The following MORC1 variants were observed in gnomAD, a reference collection of about 807,000 sequenced individuals.
MORC1 encodes the protein MORC family CW-type zinc finger protein 1.
MORC1 carries 59 observed loss-of-function variants against 134.9 expected under a neutral mutation model. The observed-to-expected ratio is 0.44, with a 90% CI of 0.35 to 0.54. MORC1 has a LOEUF of 0.54. Among genes scored for constraint, MORC1 ranks in the 20% least tolerant of loss-of-function variants. The pLI is 0.00. For missense variants in MORC1, 947 were observed against 1,134.5 expected (o/e 0.83, Z 2.37); for synonymous variants, 395 against 391.7 (o/e 1.01, Z -0.10).
At chr3:109,015,934 AC>A (rs1948807549) in intron 17 of MORC1, among the ~76,000 whole-genome samples, 1 of 152,124 alleles carries the variant, frequency 6.6e-6, no homozygotes, top group African/African-American at 2.4e-5. Flanking sequence ...CAGATTTGGG[AC>A]TTTTTGAATT....
intron 11 of MORC1, among the ~76,000 whole-genome samples, chr3:109,060,408 G>A (rs1056935215): frequency 2.6e-5 from 4 of 151,066 alleles, no homozygotes; most frequent in Admixed American, 2.6e-4. Flanking sequence ...TTAAACTTTT[G>A]ATTTGATATA....
intron 17 of MORC1, among the ~76,000 whole-genome samples, chr3:109,026,892 G>C (rs923159160): frequency 3.3e-5 from 5 of 152,124 alleles, no homozygotes; most frequent in Non-Finnish European, 7.3e-5. Flanking sequence ...GGTTTCTTTG[G>C]TTGTAATCTC....
At chr3:108,982,453 G>A (rs1387555001) in intron 23 of MORC1, among the ~76,000 whole-genome samples, 2 of 151,924 alleles carry the variant, frequency 1.3e-5, no homozygotes, top group African/African-American at 4.8e-5. Context: ...CAATGCACAC[G>A]TATGTTTATT....
rs1001655291 is a variant in MORC1 at position 108,993,993 on chromosome 3, C to G, written c.2187+6564G>C. On this transcript the variant is annotated intron_variant, in intron 21 of 27. Transcript: ENST00000232603. ...AGTTTTTATAACATACCATGAAGGC[C>G]CTGGTAATGATCTTAGGGATTCAGA... 3.3e-5 allele frequency among the ~76,000 whole-genome samples: 5 copies of G among 152,066 alleles called. 1 individual carries two copies. In the South Asian group the frequency reaches 8.3e-4, roughly 25 times the overall value.
At chr3:108,997,906 T>C (rs1218118699) in intron 21 of MORC1, among the ~76,000 whole-genome samples, 1 of 152,206 alleles carries the variant, frequency 6.6e-6, no homozygotes, top group Non-Finnish European at 1.5e-5. Context: ...CATTTATTGA[T>C]TTTATTAACA....
intron 24 of MORC1, among the ~76,000 whole-genome samples, chr3:108,974,973 C>T (rs889122889): frequency 6.6e-6 from 1 of 152,164 alleles, no homozygotes; most frequent in African/African-American, 2.4e-5. Flanking sequence ...CAAATTATGG[C>T]CAAGCTTTGA....
chr3:108,999,142 C>T (rs778637624), intron 21 of MORC1, among the ~76,000 whole-genome samples: 11 of 152,140 alleles, frequency 7.2e-5, no homozygotes, highest in African/African-American at 1.9e-4. Context: ...TTCTAGCCTC[C>T]GATTAAATTT....
At chr3:109,017,982 A>T (rs1948855850) in intron 17 of MORC1, among the ~76,000 whole-genome samples, 1 of 152,230 alleles carries the variant, frequency 6.6e-6, no homozygotes. Context: ...TTAAACCAGG[A>T]ATAAAGAAGT....
intron 14 of MORC1, among the ~76,000 whole-genome samples, chr3:109,044,914 C>T (rs1244662158): frequency 2.7e-5 from 4 of 146,026 alleles, no homozygotes; most frequent in Non-Finnish European, 6.0e-5. Context: ...CACTGCACTC[C>T]AGCCTAGGCA....
intron 17 of MORC1, among the ~76,000 whole-genome samples, chr3:109,018,045 C>T (rs981091343): frequency 3.3e-5 from 5 of 152,138 alleles, no homozygotes; most frequent in African/African-American, 1.2e-4. Context: ...GATTCCAAAG[C>T]ACCAGACCAA....
chr3:109,040,935 A>C (rs1423802314), intron 14 of MORC1, among the ~76,000 whole-genome samples: 1 of 152,060 alleles, frequency 6.6e-6, no homozygotes, highest in Non-Finnish European at 1.5e-5. Context: ...TTAAAAAGAA[A>C]ATAGAAATTA....
At chr3:109,093,590 A>G in intron 7 of MORC1, 49 bp from the exon 8 acceptor site, 2 of 1,289,004 alleles carry the variant, frequency 1.6e-6, no homozygotes, top group Non-Finnish European at 2.2e-6. Flanking sequence ...AATACACTAA[A>G]TGCTAGTCAT....
chr3:109,059,921 A>C (rs763620349), intron 11 of MORC1, 51 bp from the exon 12 acceptor site: 5 of 1,494,930 alleles, frequency 3.3e-6, no homozygotes, highest in Non-Finnish European at 4.6e-6. Context: ...GAATTAACAA[A>C]AAGCAAGTTG....
At chr3:109,016,373 C>T (rs1175824217) in intron 17 of MORC1, among the ~76,000 whole-genome samples, 3 of 152,104 alleles carry the variant, frequency 2.0e-5, no homozygotes, top group Non-Finnish European at 4.4e-5. Context: ...ATAAAGCCTG[C>T]CTCTTTCACT....
chr3:108,963,303 C>G, intron 27 of MORC1, 111 bp downstream of exon 27: 2 of 847,224 alleles, frequency 2.4e-6, no homozygotes. Flanking sequence ...TAAGGGCTGA[C>G]TTAAGTGACT....
Position 108,986,908 on chromosome 3 carries a change from T to C in MORC1, c.2229A>G (p.Glu743=), listed in dbSNP as rs778286893. ...KSNTDVSLKQ[E]KKEIPLLNQE... ...GGTTTAAAAGAGGAATTTCCTTTTT[T>C]TCTTGTTTCAATGAAACATCAGTGT... Residue 743 remains glutamate (E), a synonymous_variant, in exon 22 of 28, where the codon GAA becomes GAG. Coordinates refer to ENST00000232603, the MANE Select transcript of MORC1 (RefSeq NM_014429.4). The C allele has an allele frequency of 3.8e-6, 6 of 1,576,906 alleles. No homozygotes were observed. In the African/African-American group the frequency reaches 8.2e-5, roughly 22 times the overall value.
chr3:109,091,454 T>TAAATAAAG, intron 8 of MORC1, among the ~76,000 whole-genome samples: 1 of 149,774 alleles, frequency 6.7e-6, no homozygotes, highest in African/African-American at 2.5e-5. Context: ...AAAAAATAAA[T>TAAATAAAG]AAATAAATAA....
chr3:108,987,964 C>G (rs189340948), intron 21 of MORC1, among the ~76,000 whole-genome samples: 3 of 152,040 alleles, frequency 2.0e-5, no homozygotes, highest in African/African-American at 7.2e-5. Context: ...CGCACTGATA[C>G]GCACGCAACC....
chr3:109,115,043 T>A (rs1192185837), intron 1 of MORC1, among the ~76,000 whole-genome samples: 1 of 152,190 alleles, frequency 6.6e-6, no homozygotes, highest in African/African-American at 2.4e-5. Flanking sequence ...CCTTCAGTAT[T>A]TACAACAGTT....
Sources: allele counts gnomAD v4.1 joint callset (sites outside exome capture counted in the v4.1 genomes callset), GRCh38; gene constraint gnomAD v4.1.1; transcripts MANE v1.5; gene names NCBI Gene and HGNC (gene_info 2026-07-23, HGNC 2026-07-21).